The following TFB1M variants were observed in gnomAD, a reference collection of about 807,000 sequenced individuals.
TFB1M encodes the protein transcription factor B1, mitochondrial, also known as dimethyladenosine transferase 1, mitochondrial.
TFB1M carries 27 observed loss-of-function variants against 31.1 expected under a neutral mutation model. That is an observed-to-expected ratio of 0.87 (90% CI 0.64 to 1.20). TFB1M has a LOEUF of 1.20. TFB1M is among the 50% of genes most tolerant of loss of function. The pLI, the probability that TFB1M is intolerant of heterozygous loss-of-function variation, is 0.00. For synonymous variants in TFB1M, 166 were observed against 151.8 expected (o/e 1.09, Z -0.69); for missense variants, 394 against 418.7 (o/e 0.94, Z 0.51).
At chr6:155,313,174 G>A (rs1778094727) in intron 1 of TFB1M, 1 of 152,046 alleles carries the variant, frequency 6.6e-6, no homozygotes, top group African/African-American at 2.4e-5. Flanking sequence ...TTGAACCGGG[G>A]AGGCGGAGGT....
At chr6:155,231,792 G>C in the TFB1M span, among the ~76,000 whole-genome samples, 1 of 152,260 alleles carries the variant, frequency 6.6e-6, no homozygotes, top group East Asian at 1.9e-4. Flanking sequence ...AGCATCATCT[G>C]TGTTGGGCAT....
chr6:155,305,593 TTATATATAAATATA>T (rs1336086981), intron 2 of TFB1M, among the ~76,000 whole-genome samples: 1 of 18,438 alleles, frequency 5.4e-5, no homozygotes, highest in South Asian at 3.1e-3. Flanking sequence ...AATTATATAT[TTATATATAAATATA>T]TATATATTAA....
At chr6:155,299,104 C>T (rs577076282) in intron 2 of TFB1M, among the ~76,000 whole-genome samples, 37 of 152,150 alleles carry the variant, frequency 2.4e-4, no homozygotes, top group East Asian at 2.3e-3. Flanking sequence ...TGCCAGTCTC[C>T]ACTTGGCACT....
chr6:155,288,163 C>A (rs1253453223), intron 4 of TFB1M, among the ~76,000 whole-genome samples: 1 of 152,168 alleles, frequency 6.6e-6, no homozygotes, highest in Non-Finnish European at 1.5e-5. Context: ...ATGGAAGAAA[C>A]TTCCTATGGG....
intron 6 of TFB1M, 39 bp from the exon 7 acceptor site, chr6:155,258,121 A>G (rs1784200060): frequency 6.2e-7 from 1 of 1,612,470 alleles, no homozygotes; most frequent in Non-Finnish European, 8.5e-7. Context: ...TAAGAATTTT[A>G]CTTAAATTCT....
intron 2 of TFB1M, among the ~76,000 whole-genome samples, chr6:155,307,625 C>A (rs1321945430): frequency 6.6e-6 from 1 of 152,090 alleles, no homozygotes; most frequent in Non-Finnish European, 1.5e-5. Context: ...AACCATATCA[C>A]AAAGTATTTA....
the TFB1M span, among the ~76,000 whole-genome samples, chr6:155,248,677 C>A: frequency 1.3e-5 from 2 of 152,194 alleles, no homozygotes; most frequent in Non-Finnish European, 2.9e-5. Flanking sequence ...CAAGTCGCTA[C>A]TGGTGTGTTA....
intron 4 of TFB1M, among the ~76,000 whole-genome samples, chr6:155,289,655 C>T (rs1388295820): frequency 6.6e-6 from 1 of 152,152 alleles, no homozygotes; most frequent in Non-Finnish European, 1.5e-5. Context: ...TTAAAAAGAG[C>T]TTCCTGTGGC....
chr6:155,251,920 T>C, downstream of TFB1M: 1 of 1,575,948 alleles, frequency 6.3e-7, no homozygotes, highest in Non-Finnish European at 8.7e-7. Flanking sequence ...AAATAAAGAC[T>C]TTCTTTCTCT....
intron 4 of TFB1M, among the ~76,000 whole-genome samples, chr6:155,296,512 T>A (rs1167942204): frequency 6.8e-6 from 1 of 146,680 alleles, no homozygotes; most frequent in Non-Finnish European, 1.5e-5. Context: ...ACTCCTGACC[T>A]CGTGATCCGC....
At chr6:155,265,487 T>C (rs59751032) in intron 5 of TFB1M, among the ~76,000 whole-genome samples, 2,130 of 134,206 alleles carry the variant, frequency 0.016, 56 homozygotes, top group African/African-American at 0.056. Flanking sequence ...ATACTGTTAA[T>C]TTCCTAAGGC....
chr6:155,271,995 A>C (rs1049576257), intron 5 of TFB1M, among the ~76,000 whole-genome samples: 1 of 152,112 alleles, frequency 6.6e-6, no homozygotes, highest in Non-Finnish European at 1.5e-5. Flanking sequence ...ATCTTCTAAC[A>C]CCATCAGCAG....
intron 1 of TFB1M, 102 bp downstream of exon 1, chr6:155,314,194 G>T: frequency 6.4e-7 from 1 of 1,562,042 alleles, no homozygotes; most frequent in South Asian, 1.2e-5. Flanking sequence ...CCCGTCGCAC[G>T]CCAGTGCCTG....
chr6:155,260,866 T>C, intron 5 of TFB1M: 1 of 259,086 alleles, frequency 3.9e-6, no homozygotes, highest in South Asian at 4.6e-5. Context: ...TTATTTTCGG[T>C]AGACACTGAT....
At chr6:155,249,776 C>T in the TFB1M span, 1 of 1,263,454 alleles carries the variant, frequency 7.9e-7, no homozygotes, top group South Asian at 1.4e-5. Context: ...AATCTTGACT[C>T]CATTCATTAT....
chr6:155,296,827 C>G lies in TFB1M; in HGVS notation c.546+126G>C, dbSNP rs577280577. On this transcript the variant is annotated intron_variant, in intron 4 of 6. Coordinates refer to ENST00000367166, the MANE Select transcript of TFB1M (RefSeq NM_016020.4). ...GTTTTAACTTTTGGCTGAGCTGCTG[C>G]TGGGTTCTTGTGTGTGTAATAAGAT... 30 of 908,002 alleles carry G rather than the reference C, an allele frequency of 3.3e-5. 1 individual carries two copies. The South Asian group carries it at 4.3e-4, about 13-fold the overall frequency. The allele number at this position is 908,002 out of a possible 1,614,324, so 56.2% of individuals were successfully genotyped here.
At chr6:155,247,084 C>T in the TFB1M span, among the ~76,000 whole-genome samples, 28 of 152,206 alleles carry the variant, frequency 1.8e-4, no homozygotes, top group African/African-American at 6.3e-4. Context: ...GGAGCTGTGG[C>T]TCTAGGTATG....
intron 5 of TFB1M, among the ~76,000 whole-genome samples, chr6:155,272,259 T>C (rs1784953608): frequency 6.6e-6 from 1 of 152,190 alleles, no homozygotes; most frequent in South Asian, 2.1e-4. Context: ...CGGTATTATT[T>C]AGTTCGAATT....
At chr6:155,248,169 C>A in the TFB1M span, 1 of 1,613,614 alleles carries the variant, frequency 6.2e-7, no homozygotes. Flanking sequence ...AGGAGCACTA[C>A]CACCTGACGG....
Sources: allele counts gnomAD v4.1 joint callset (sites outside exome capture counted in the v4.1 genomes callset), GRCh38; gene constraint gnomAD v4.1.1; transcripts MANE v1.5; gene names NCBI Gene and HGNC (gene_info 2026-07-23, HGNC 2026-07-21).